Variants in SMARCA2 observed in about 807,000 individuals in gnomAD.
SMARCA2 encodes SWI/SNF-related matrix-associated actin-dependent regulator of chromatin subfamily A member 2.
In SMARCA2, 61 loss-of-function variants were observed where a neutral mutation model predicts 199.8. That is an observed-to-expected ratio of 0.31 (90% confidence interval 0.25 to 0.38). SMARCA2 has a LOEUF of 0.38. Among genes scored for constraint, SMARCA2 ranks in the 10% least tolerant of loss-of-function variants. The probability of loss-of-function intolerance (pLI) is 1.00; values close to 1 mark genes in which losing one functional copy is unlikely to be tolerated. For synonymous variants in SMARCA2, 935 were observed against 732.0 expected, an observed-to-expected ratio of 1.28 and a Z score of -4.48; for missense variants, 1,344 against 2,012.2, an observed-to-expected ratio of 0.67 and a Z score of 6.35.
Position 2,032,987 on chromosome 9 carries a change from A to G in SMARCA2, c.261A>G (p.Glu87=). The G allele has an allele frequency of 1.2e-6, 2 of 1,614,002 alleles. No homozygotes were observed. The highest frequency in any genetic ancestry group is 1.7e-6 in the Non-Finnish European group (2 of 1,179,840). ...GTATACATGACAAGGGGATTGTAGAAGACATCCATTGTGGATCCATGAAGG... is the reference window on the plus strand; with the variant it reads ...GTATACATGACAAGGGGATTGTAGAGGACATCCATTGTGGATCCATGAAGG... The part of the protein sequence containing the change: ...IDGIHDKGIV[E]DIHCGSMKGT... Residue 87 remains glutamate (E), a synonymous_variant, in exon 3 of 34, where the codon GAA becomes GAG. Coordinates refer to ENST00000349721, the MANE Select transcript of SMARCA2 (RefSeq NM_003070.5).
At chr9:2,144,808 A>G (rs1000253055) in intron 27 of SMARCA2, among the ~76,000 whole-genome samples, 25 of 151,640 alleles carry the variant, frequency 1.6e-4, no homozygotes, top group Admixed American at 1.6e-3. Flanking sequence ...GCTGATCACA[A>G]CTCATCTCAC....
chr9:2,182,414 G>A (rs1827100481), intron 31 of SMARCA2, among the ~76,000 whole-genome samples, 172 bp downstream of exon 31: 1 of 150,192 alleles, frequency 6.7e-6, no homozygotes. Context: ...TTTGGCATCT[G>A]CAGATTACCT....
chr9:2,060,709 C>A lies in SMARCA2; in HGVS notation c.1522-107C>A, dbSNP rs972735920. 4.1e-5 allele frequency: 42 copies of A among 1,027,508 alleles called. No individual in the cohort carries two copies. The African/African-American group carries it at 5.9e-4, about 14-fold the overall frequency. 63.6% of individuals were successfully genotyped at this position (1,027,508 alleles called of 1,614,324 possible). On this transcript the variant is annotated intron_variant, in intron 8 of 33. Transcript: ENST00000349721. ...ACAGCCCAACTCATCCAGTTTGCTA[C>A]ACTCCTACCAGTCAAAATGCAGACT...
At chr9:2,176,182 GTTTTTTT>G (rs56186732) in intron 29 of SMARCA2, among the ~76,000 whole-genome samples, 7,226 of 104,156 alleles carry the variant, frequency 0.069, 509 homozygotes, top group African/African-American at 0.21. Context: ...CGCCCGGCCT[GTTTTTTT>G]TTTTTTTTTT....
intron 32 of SMARCA2, among the ~76,000 whole-genome samples, chr9:2,187,633 T>C (rs948054699): frequency 6.6e-6 from 1 of 152,012 alleles, no homozygotes; most frequent in Non-Finnish European, 1.5e-5. Context: ...GCTATGATCA[T>C]ACCGCTGCCC....
At chr9:2,126,900 T>C (rs1823720631) in intron 27 of SMARCA2, among the ~76,000 whole-genome samples, 1 of 152,268 alleles carries the variant, frequency 6.6e-6, no homozygotes, top group African/African-American at 2.4e-5. Flanking sequence ...TCCCTTTGAA[T>C]AGAATCTTCT....
chr9:2,082,038 G>A (rs780552436), intron 15 of SMARCA2, 43 bp downstream of exon 15: 47 of 1,534,210 alleles, frequency 3.1e-5, no homozygotes, highest in Admixed American at 1.8e-4. Context: ...TCTGTATGTT[G>A]TAGAGTGCCC....
chr9:2,172,265 A>G (rs1826290717), intron 29 of SMARCA2, among the ~76,000 whole-genome samples: 1 of 152,126 alleles, frequency 6.6e-6, no homozygotes, highest in Non-Finnish European at 1.5e-5. Context: ...AAATGGAGTT[A>G]TTTAAAGCAC....
chr9:2,176,391 C>T (rs908746667), intron 29 of SMARCA2, among the ~76,000 whole-genome samples: 2 of 152,072 alleles, frequency 1.3e-5, no homozygotes, highest in African/African-American at 2.4e-5. Flanking sequence ...AAAGTAAAAT[C>T]ATGCATCAGA....
At position 2,075,841 on chromosome 9, in the gene SMARCA2, A is replaced by T. The variant is rs550483958; in HGVS notation, c.1936-388A>T. 6.6e-5 allele frequency among the ~76,000 whole-genome samples: 10 copies of T among 152,270 alleles called. No individual in the cohort carries two copies. In the East Asian group the frequency reaches 1.7e-3, roughly 27 times the overall value. On this transcript the variant is annotated intron_variant, in intron 12 of 33. Transcript: ENST00000349721. ...CCCAGCCATCAGAGAGAGTGTTTTT[A>T]TGAGAAGGAGGATCCTAAGAGCTCT... is the stretch of plus-strand genomic sequence containing the variant.
chr9:2,160,653 C>A lies in SMARCA2; in HGVS notation c.3982-1033C>A, dbSNP rs576683224. 1.2e-4 allele frequency: 85 copies of A among 698,728 alleles called. 2 individuals carry two copies. The highest frequency in any genetic ancestry group is 8.2e-4 in the South Asian group (55 of 67,024). The allele number at this position is 698,728 out of a possible 1,614,324, so 43.3% of individuals were successfully genotyped here. A position where few individuals can be genotyped will look rare whatever the true frequency, so the allele number is the denominator to read the frequency against. ...CTTATGATTAGAGCTCTTTCAGCTACGAGAAAGGATTGATTATCATTTGCA... is the reference window on the plus strand; with the variant it reads ...CTTATGATTAGAGCTCTTTCAGCTAAGAGAAAGGATTGATTATCATTTGCA... On this transcript the variant is annotated intron_variant, in intron 27 of 33. Transcript: ENST00000349721.
At chr9:2,173,462 T>C (rs1328359715) in intron 29 of SMARCA2, among the ~76,000 whole-genome samples, 2 of 152,226 alleles carry the variant, frequency 1.3e-5, no homozygotes, top group Non-Finnish European at 2.9e-5. Flanking sequence ...AATTTCATTA[T>C]AGAGAAATTA....
intron 27 of SMARCA2, among the ~76,000 whole-genome samples, chr9:2,143,543 G>A (rs2376305): frequency 0.66 from 99,638 of 152,044 alleles, 32,756 homozygotes; most frequent in East Asian, 0.81. Flanking sequence ...TGACCCTGTG[G>A]GAGAGGAGAC....
intron 27 of SMARCA2, chr9:2,159,988 A>G (rs1448823978): frequency 6.5e-7 from 1 of 1,539,954 alleles, no homozygotes; most frequent in East Asian, 2.4e-5. Context: ...TAACACATCA[A>G]AAGCCGGTGT....
chr9:2,019,799 T>A (rs945562223), intron 1 of SMARCA2, among the ~76,000 whole-genome samples: 11 of 151,594 alleles, frequency 7.3e-5, no homozygotes, highest in Middle Eastern at 3.4e-3. Flanking sequence ...AGTGGTGCTG[T>A]CCTCCAGTGT....
chr9:2,112,497 T>C (rs1823050146), intron 24 of SMARCA2, among the ~76,000 whole-genome samples: 1 of 152,094 alleles, frequency 6.6e-6, no homozygotes, highest in South Asian at 2.1e-4. Context: ...TTTTCGTACT[T>C]TCTCTCTAGC....
At chr9:2,074,935 C>G (rs971286178) in intron 12 of SMARCA2, 1 of 152,182 alleles carries the variant, frequency 6.6e-6, no homozygotes, top group South Asian at 2.1e-4. Flanking sequence ...TACTCTATCT[C>G]TAAGATATTT....
At chr9:2,157,885 T>C (rs960265124) in intron 27 of SMARCA2, 3 of 398,364 alleles carry the variant, frequency 7.5e-6, no homozygotes, top group Non-Finnish European at 4.4e-6. Context: ...AGTAAAGATG[T>C]GGTTGGTGTG....
chr9:2,145,503 T>A (rs2130701202), intron 27 of SMARCA2, among the ~76,000 whole-genome samples: 1 of 152,140 alleles, frequency 6.6e-6, no homozygotes, highest in Non-Finnish European at 1.5e-5. Flanking sequence ...TATTGTGTGG[T>A]CAGGCGGTAG....
Sources: gnomAD v4.1 joint callset for allele counts (sites outside exome capture counted in the v4.1 genomes callset) on GRCh38, gnomAD v4.1.1 for gene constraint, MANE v1.5 for transcripts, NCBI Gene and HGNC (gene_info 2026-07-23, HGNC 2026-07-21) for gene names.